The following CPQ variants were observed in gnomAD, a reference collection of about 807,000 sequenced individuals.
The protein encoded by CPQ is carboxypeptidase Q.
Under a neutral mutation model 45.7 loss-of-function variants are expected in CPQ, and 37 were observed. The ratio of observed to expected loss-of-function variants is 0.81; its 90% CI spans 0.62 to 1.07. The LOEUF (loss-of-function observed/expected upper bound fraction) is 1.07. CPQ is among the 50% of genes least tolerant of loss of function. CPQ has a pLI of 0.00. For synonymous variants in CPQ, 186 were observed against 205.8 expected, an observed-to-expected ratio of 0.90 and a Z score of 0.82; for missense variants, 537 against 572.9, an observed-to-expected ratio of 0.94 and a Z score of 0.64.
chr8:96,650,137 T>C (rs571034353), intron 1 of CPQ, among the ~76,000 whole-genome samples: 3 of 152,350 alleles, frequency 2.0e-5, no homozygotes, highest in East Asian at 1.9e-4. Context: ...CTTATTCAGT[T>C]TGTCAGGAAG....
At chr8:96,796,576 T>C (rs967468356) in intron 2 of CPQ, among the ~76,000 whole-genome samples, 2 of 152,188 alleles carry the variant, frequency 1.3e-5, no homozygotes, top group Non-Finnish European at 2.9e-5. Context: ...AGTTGACTAA[T>C]TTCCACTCCC....
intron 2 of CPQ, among the ~76,000 whole-genome samples, chr8:96,821,329 G>A (rs1811305772): frequency 6.6e-6 from 1 of 151,552 alleles, no homozygotes; most frequent in Non-Finnish European, 1.5e-5. Context: ...TGGGTTGCCT[G>A]TGCTTTTCAG....
At chr8:96,876,472 A>C (rs1812146482) in intron 3 of CPQ, among the ~76,000 whole-genome samples, 1 of 152,082 alleles carries the variant, frequency 6.6e-6, no homozygotes, top group African/African-American at 2.4e-5. Flanking sequence ...AAAATGTTTA[A>C]TAGGAGTGGG....
At chr8:96,745,111 T>C (rs200447046) in intron 1 of CPQ, among the ~76,000 whole-genome samples, 28 of 152,072 alleles carry the variant, frequency 1.8e-4, no homozygotes, top group Non-Finnish European at 2.9e-5. Flanking sequence ...AGTTCGAGAC[T>C]AGCCTGACCA....
chr8:97,138,622 C>G (rs946518311), intron 7 of CPQ, among the ~76,000 whole-genome samples: 1 of 152,134 alleles, frequency 6.6e-6, no homozygotes, highest in African/African-American at 2.4e-5. Context: ...TAAGGGAATT[C>G]CTCAGAGGTG....
chr8:96,755,686 G>A (rs1464016733), intron 1 of CPQ, among the ~76,000 whole-genome samples: 1 of 151,534 alleles, frequency 6.6e-6, no homozygotes, highest in Non-Finnish European at 1.5e-5. Context: ...TATTTATTGT[G>A]GTTTACTTGA....
At chr8:96,908,477 G>T (rs542433697) in intron 4 of CPQ, among the ~76,000 whole-genome samples, 2 of 152,156 alleles carry the variant, frequency 1.3e-5, no homozygotes. Flanking sequence ...TGGATTTAGA[G>T]AGCGACCTCC....
At chr8:97,041,724 C>A (rs895266097) in intron 6 of CPQ, among the ~76,000 whole-genome samples, 5 of 152,144 alleles carry the variant, frequency 3.3e-5, no homozygotes, top group African/African-American at 4.8e-5. Context: ...AAGGCCTTTT[C>A]TGCGTCTATT....
intron 1 of CPQ, among the ~76,000 whole-genome samples, chr8:96,779,375 G>A (rs115878286): frequency 1.3e-5 from 2 of 152,134 alleles, no homozygotes; most frequent in African/African-American, 4.8e-5. Context: ...TTGCCTCTTA[G>A]ACTGCATTTG....
At chr8:97,054,237 C>T (rs755372157) in intron 6 of CPQ, among the ~76,000 whole-genome samples, 22 of 152,114 alleles carry the variant, frequency 1.4e-4, no homozygotes, top group Non-Finnish European at 2.6e-4. Context: ...CACCTTACCC[C>T]TGGGAGAATG....
intron 2 of CPQ, among the ~76,000 whole-genome samples, chr8:96,809,671 A>G (rs538502300): frequency 1.3e-5 from 2 of 152,270 alleles, no homozygotes; most frequent in East Asian, 3.9e-4. Flanking sequence ...TGGTGGTTAC[A>G]TGATTCTATA....
intron 4 of CPQ, among the ~76,000 whole-genome samples, chr8:96,926,540 TTCTTCCTCTTCC>T (rs760348999): frequency 0.012 from 1,468 of 127,394 alleles, 17 homozygotes; most frequent in Non-Finnish European, 0.014. Context: ...CTTTTTCTTC[TTCTTCCTCTTCC>T]TCTTCCTCTT....
chr8:96,749,012 C>T (rs1394462417), intron 1 of CPQ, among the ~76,000 whole-genome samples: 1 of 152,104 alleles, frequency 6.6e-6, no homozygotes, highest in African/African-American at 2.4e-5. Flanking sequence ...CTATATTTTC[C>T]AGATTTCTTG....
chr8:96,729,966 A>T lies in CPQ; in HGVS notation c.-34-54898A>T, dbSNP rs112613006. ...TCTGAGTTTTCAGGATGAGTTTTGA[A>T]GATTTGTATTTAGTGTTGAAAATGG... On this transcript the variant is annotated intron_variant, in intron 1 of 7. Coordinates refer to ENST00000220763, the MANE Select transcript of CPQ (RefSeq NM_016134.4). Among the ~76,000 whole-genome samples the T allele has an allele frequency of 5.9e-3, 905 of 152,294 alleles. 15 individuals are homozygous for T. Among genetic ancestry groups the T allele is most frequent in the African/African-American group, 0.016 (654 of 41,574 alleles).
At chr8:96,802,990 T>TACAC (rs71569185) in intron 2 of CPQ, among the ~76,000 whole-genome samples, 2,265 of 143,992 alleles carry the variant, frequency 0.016, 31 homozygotes, top group African/African-American at 0.042. Flanking sequence ...AACAGAAGCA[T>TACAC]ACACACACAC....
intron 1 of CPQ, among the ~76,000 whole-genome samples, chr8:96,731,832 CAT>C (rs1165858884): frequency 3.9e-5 from 6 of 151,946 alleles, no homozygotes; most frequent in African/African-American, 1.5e-4. Context: ...AATGAAGAAA[CAT>C]GAACATATTC....
intron 1 of CPQ, among the ~76,000 whole-genome samples, chr8:96,658,898 T>C (rs577006028): frequency 1.3e-5 from 2 of 152,354 alleles, no homozygotes; most frequent in East Asian, 3.9e-4. Context: ...GCCGATACCT[T>C]GCTTTTACGT....
At chr8:96,684,415 C>T (rs541868410) in intron 1 of CPQ, among the ~76,000 whole-genome samples, 1 of 152,108 alleles carries the variant, frequency 6.6e-6, no homozygotes, top group African/African-American at 2.4e-5. Flanking sequence ...TCCTTGGGTA[C>T]CAGTGGTGTT....
At chr8:96,738,834 C>T (rs1354501585) in intron 1 of CPQ, among the ~76,000 whole-genome samples, 2 of 152,072 alleles carry the variant, frequency 1.3e-5, no homozygotes, top group African/African-American at 4.8e-5. Context: ...TGTATATGTG[C>T]CACATTTTCT....
Sources: gnomAD v4.1 joint callset for allele counts (sites outside exome capture counted in the v4.1 genomes callset) on GRCh38, gnomAD v4.1.1 for gene constraint, MANE v1.5 for transcripts, NCBI Gene and HGNC (gene_info 2026-07-23, HGNC 2026-07-21) for gene names.